Variants in CMC2 observed in about 807,000 individuals in gnomAD.
CMC2 encodes the protein COX assembly mitochondrial protein 2 homolog.
CMC2 carries 5 observed loss-of-function variants against 7.5 expected under a neutral mutation model. That is an observed-to-expected ratio of 0.66 (90% CI 0.35 to 1.40). The LOEUF is 1.40. Ranked by LOEUF, CMC2 falls within the 40% of genes most tolerant of loss-of-function variation. The probability of loss-of-function intolerance (pLI) is 0.04; values close to 1 mark genes in which losing one functional copy is unlikely to be tolerated. For missense variants in CMC2, 115 were observed against 92.3 expected (o/e 1.25, Z -1.01); for synonymous variants, 37 against 31.4 (o/e 1.18, Z -0.60).
At chr16:80,976,204 GA>G (rs1417452893) in intron 3 of CMC2, 25 bp from the exon 4 acceptor site, 9 of 1,245,894 alleles carry the variant, frequency 7.2e-6, no homozygotes, top group Non-Finnish European at 9.2e-6. Context: ...AAGGGGGGGA[GA>G]AAAGAAACAG....
In CMC2 at chr16:81,001,638, C is replaced by T. The variant is rs555199832; in HGVS notation, c.-35-4209G>A. On this transcript the variant is annotated intron_variant, in intron 1 of 3. Coordinates refer to ENST00000219400, the MANE Select transcript of CMC2 (RefSeq NM_020188.5). ...TAAATTTTATGTTACGTGCATTTCA[C>T]CATGCGAATTTTATGGTATGTAAAT... 4.6e-5 allele frequency among the ~76,000 whole-genome samples: 7 copies of T among 152,092 alleles called. No homozygotes were observed. The South Asian group carries it at 1.5e-3, about 32-fold the overall frequency.
intron 1 of CMC2, among the ~76,000 whole-genome samples, chr16:81,005,331 G>A (rs1277761844): frequency 1.3e-5 from 2 of 152,108 alleles, no homozygotes; most frequent in African/African-American, 4.8e-5. Context: ...AGAATCACTA[G>A]AACTCGGGAG....
chr16:80,999,315 T>C (rs776769984), intron 1 of CMC2, among the ~76,000 whole-genome samples: 36 of 152,060 alleles, frequency 2.4e-4, no homozygotes, highest in Non-Finnish European at 4.4e-4. Flanking sequence ...CCATTTTCAA[T>C]TGCCACCAAA....
At chr16:80,987,554 T>C (rs1366632478) in intron 2 of CMC2, among the ~76,000 whole-genome samples, 2 of 152,174 alleles carry the variant, frequency 1.3e-5, no homozygotes, top group Non-Finnish European at 2.9e-5. Context: ...GCAAAGAATA[T>C]CTAAGTCTTG....
rs555885488 is a variant in CMC2, at chr16:81,000,410, C to T, written c.-35-2981G>A. 4.6e-5 allele frequency among the ~76,000 whole-genome samples: 7 copies of T among 152,196 alleles called. No individual in the cohort carries two copies. In the South Asian group the frequency reaches 6.2e-4, roughly 14 times the overall value. On this transcript the variant is annotated intron_variant, in intron 1 of 3. Coordinates refer to ENST00000219400, the MANE Select transcript of CMC2 (RefSeq NM_020188.5). ...ACTCGAGAGGCTGAGGAAGGAGAAT[C>T]GCTTGAACCCAGGAGGCGGAGGTTG...
In CMC2 at chr16:80,972,995, C is replaced by T; in HGVS notation, c.*3098G>A. 1 of 152,504 alleles carries T rather than the reference C, an allele frequency of 6.6e-6. No homozygotes were observed. The highest frequency in any genetic ancestry group is 1.9e-4 in the East Asian group (1 of 5,210). 9.4% of individuals were successfully genotyped at this position (152,504 alleles called of 1,614,324 possible). A position where few individuals can be genotyped will look rare whatever the true frequency, so the allele number is the denominator to read the frequency against. On this transcript the variant is annotated 3_prime_UTR_variant, in exon 4 of 4. Coordinates refer to ENST00000219400, the MANE Select transcript of CMC2 (RefSeq NM_020188.5). ...ACTCTCCCTCCAGCTTCTTCGGCTT[C>T]CACTGCATATGGGAATTCAAAATAT... is the stretch of plus-strand genomic sequence containing the variant.
intron 3 of CMC2, 72 bp from the exon 4 acceptor site, chr16:80,976,251 A>G: frequency 1.2e-6 from 1 of 819,644 alleles, no homozygotes; most frequent in Non-Finnish European, 1.9e-6. Context: ...TTTACTATTT[A>G]GAAATATTTG....
At chr16:80,979,440 G>A (rs1007007026) in intron 3 of CMC2, among the ~76,000 whole-genome samples, 25 of 151,716 alleles carry the variant, frequency 1.6e-4, no homozygotes, top group Non-Finnish European at 2.9e-4. Context: ...TTCATATGAA[G>A]ATCTAATTGA....
At chr16:80,980,121 T>TG (rs1967009033) in intron 3 of CMC2, among the ~76,000 whole-genome samples, 1 of 151,820 alleles carries the variant, frequency 6.6e-6, no homozygotes, top group African/African-American at 2.4e-5. Flanking sequence ...GGTCTCACTA[T>TG]GTTGCCCAAG....
At chr16:80,976,916 T>C (rs987648713) in intron 3 of CMC2, among the ~76,000 whole-genome samples, 3 of 152,088 alleles carry the variant, frequency 2.0e-5, no homozygotes, top group African/African-American at 4.8e-5. Flanking sequence ...AAATGACTTT[T>C]ATTTCATAAA....
At chr16:80,998,952 A>T (rs1236016472) in intron 1 of CMC2, 1 of 151,426 alleles carries the variant, frequency 6.6e-6, no homozygotes, top group East Asian at 1.9e-4. Context: ...ACCTCAAAAT[A>T]AGAGCCATCT....
rs1295845540 is a variant in CMC2 at position 80,973,389 on chromosome 16, A to C, written c.*2704T>G. The C allele has an allele frequency of 1.3e-5, 2 of 152,290 alleles. No individual in the cohort carries two copies. The highest frequency in any genetic ancestry group is 3.9e-4 in the East Asian group (2 of 5,192). The allele number at this position is 152,290 out of a possible 1,614,324, so 9.4% of individuals were successfully genotyped here. A position where few individuals can be genotyped will look rare whatever the true frequency, so the allele number is the denominator to read the frequency against. On this transcript the variant is annotated 3_prime_UTR_variant, in exon 4 of 4. Transcript: ENST00000219400. ...ATACCCCAATTTGGGTGCACTTGAGAGAAAAACAATATTGAGGGGGCCCTT... is the reference window on the plus strand; with the variant it reads ...ATACCCCAATTTGGGTGCACTTGAGCGAAAAACAATATTGAGGGGGCCCTT...
chr16:80,971,808 T>C lies in CMC2; in HGVS notation c.*4285A>G, dbSNP rs1225552807. The C allele has an allele frequency of 1.3e-5, 2 of 152,090 alleles. No homozygotes were observed. Among genetic ancestry groups the C allele is most frequent in the Admixed American group, 6.5e-5 (1 of 15,274 alleles). The allele number at this position is 152,090 out of a possible 1,614,324, so 9.4% of individuals were successfully genotyped here. On this transcript the variant is annotated 3_prime_UTR_variant, in exon 4 of 4. Coordinates refer to ENST00000219400, the MANE Select transcript of CMC2 (RefSeq NM_020188.5). ...ATGTGAGTGTTCGTATTAGTCTGTA[T>C]AGTTTTCTGTAAACCTGAAACATTT...
In CMC2 at chr16:80,991,770, C is replaced by T. The variant is rs190392902; in HGVS notation, c.81+5544G>A. The T allele has an allele frequency of 3.6e-5, 12 of 336,582 alleles. No individual in the cohort carries two copies. The East Asian group carries it at 3.9e-4, about 11-fold the overall frequency. The allele number at this position is 336,582 out of a possible 1,614,324, so 20.8% of individuals were successfully genotyped here. A position where few individuals can be genotyped will look rare whatever the true frequency, so the allele number is the denominator to read the frequency against. On this transcript the variant is annotated intron_variant, in intron 2 of 3. Coordinates refer to ENST00000219400, the MANE Select transcript of CMC2 (RefSeq NM_020188.5). ...GTACTTTACCTCTGTGGTCTTCATC[C>T]GAAAACACATGATCCCAATCCAATT... is the stretch of plus-strand genomic sequence containing the variant.
intron 1 of CMC2, chr16:80,997,683 T>G: frequency 4.1e-6 from 1 of 243,674 alleles, no homozygotes; most frequent in Non-Finnish European, 7.9e-6. Context: ...AGAGACCCAA[T>G]CCCGGAAATA....
At chr16:80,986,365 A>T (rs1362298246) in intron 2 of CMC2, among the ~76,000 whole-genome samples, 3 of 151,990 alleles carry the variant, frequency 2.0e-5, no homozygotes, top group Admixed American at 2.0e-4. Context: ...TAACTAAATA[A>T]ATAAATAAAA....
rs138381032 is a variant in CMC2, at chr16:80,976,199, G to A, written c.154-20C>T. The A allele has an allele frequency of 2.2e-6, 3 of 1,382,958 alleles. No homozygotes were observed. The highest frequency in any genetic ancestry group is 2.4e-5 in the South Asian group (2 of 81,894). The allele number at this position is 1,382,958 out of a possible 1,614,324, so 85.7% of individuals were successfully genotyped here. A position where few individuals can be genotyped will look rare whatever the true frequency, so the allele number is the denominator to read the frequency against. On this transcript the variant is annotated intron_variant, in intron 3 of 3. Transcript: ENST00000219400. ...TACGTACTGAAAAATAAAAGAAGGG[G>A]GGGAGAAAAGAAACAGCAGATTATG...
intron 2 of CMC2, among the ~76,000 whole-genome samples, chr16:80,994,021 A>G (rs1408445995): frequency 6.6e-6 from 1 of 152,206 alleles, no homozygotes; most frequent in Admixed American, 6.5e-5. Context: ...GAAACAGACT[A>G]GAGAGCCCAG....
intron 2 of CMC2, among the ~76,000 whole-genome samples, chr16:80,992,491 T>C (rs970238307): frequency 2.0e-5 from 3 of 152,238 alleles, no homozygotes; most frequent in Non-Finnish European, 4.4e-5. Flanking sequence ...TATGAGGGTA[T>C]ACAGTGTTGC....
Sources: allele counts gnomAD v4.1 joint callset (sites outside exome capture counted in the v4.1 genomes callset), GRCh38; gene constraint gnomAD v4.1.1; transcripts MANE v1.5; gene names NCBI Gene and HGNC (gene_info 2026-07-23, HGNC 2026-07-21).